The following PTPRZ1 variants were observed in gnomAD, a reference collection of about 807,000 sequenced individuals.
PTPRZ1 encodes the protein protein tyrosine phosphatase receptor type Z1, also known as receptor-type tyrosine-protein phosphatase zeta.
In PTPRZ1, 82 loss-of-function variants were observed where a neutral mutation model predicts 214.1. That is an observed-to-expected ratio of 0.38 (90% CI 0.32 to 0.46). The LOEUF (loss-of-function observed/expected upper bound fraction) is 0.46. PTPRZ1 is among the 20% of genes least tolerant of loss of function. The pLI is 1.00. For missense variants in PTPRZ1, 2,603 were observed against 2,748.7 expected (o/e 0.95, Z 1.19); for synonymous variants, 945 against 987.9 (o/e 0.96, Z 0.81).
intron 2 of PTPRZ1, among the ~76,000 whole-genome samples, chr7:121,943,385 G>A (rs887363776): frequency 3.3e-5 from 5 of 152,106 alleles, no homozygotes; most frequent in Admixed American, 3.3e-4. Flanking sequence ...GCCCAGGCTG[G>A]AGTGCAGTGG....
rs372677921 is a variant in PTPRZ1 at position 122,011,417 on chromosome 7, G to A, written c.2371G>A (p.Asp791Asn). 10 of 1,614,034 alleles carry A rather than the reference G, an allele frequency of 6.2e-6. No individual in the cohort carries two copies. The highest frequency in any genetic ancestry group is 2.7e-5 in the African/African-American group (2 of 74,928). The change falls in exon 12 of 30, where the codon GAT becomes AAT. Residue 791 changes from aspartate (D) to asparagine (N), a missense_variant. Physicochemically the swap from Asp to Asn is conservative, Grantham distance 23 (BLOSUM62 1). This residue lies in a region of PTPRZ1 where 1,913 missense variants were observed against 1,914.3 expected (regional missense o/e 1.00). Coordinates refer to ENST00000393386, the MANE Select transcript of PTPRZ1 (RefSeq NM_002851.3). ...LNTTPAASSS[D>N]SALHATPVFP... ...CACTACCCCTGCTGCTTCAAGTAGT[G>A]ATTCGGCCTTGCATGCTACGCCTGT...
At chr7:121,928,056 A>T in intron 1 of PTPRZ1, 100 bp from the exon 2 acceptor site, 1 of 804,960 alleles carries the variant, frequency 1.2e-6, no homozygotes, top group South Asian at 1.6e-5. Flanking sequence ...CATGGAAAGG[A>T]GTAATCAAGA....
Position 121,968,149 on chromosome 7 carries a change from G to C in PTPRZ1, c.304+19G>C, listed in dbSNP as rs1282355300. 6.4e-7 allele frequency: 1 copy of C among 1,573,620 alleles called. No homozygotes were observed. The highest frequency in any genetic ancestry group is 1.4e-5 in the African/African-American group (1 of 73,038). ...AAAACAGGTAAAATATTTGCATTCT[G>C]TTTGCCTTTAATATATTTTTCAGAC... On this transcript the variant is annotated intron_variant, in intron 3 of 29. Transcript: ENST00000393386.
chr7:122,046,525 A>G (rs1791987743), intron 23 of PTPRZ1, among the ~76,000 whole-genome samples: 2 of 152,150 alleles, frequency 1.3e-5, no homozygotes, highest in Admixed American at 6.6e-5. Context: ...ACCAGAGGAG[A>G]ATTGCGTAAG....
chr7:121,896,760 G>T (rs1448309607), intron 1 of PTPRZ1, among the ~76,000 whole-genome samples: 1 of 150,630 alleles, frequency 6.6e-6, no homozygotes, highest in Non-Finnish European at 1.5e-5. Context: ...GTGACAGGGT[G>T]AGACTCTGCC....
chr7:122,006,928 C>A (rs1000194723), intron 11 of PTPRZ1, among the ~76,000 whole-genome samples: 4 of 151,930 alleles, frequency 2.6e-5, no homozygotes, highest in Admixed American at 2.6e-4. Flanking sequence ...GGCAAGAGGG[C>A]AAGGAGAAGG....
rs1798716480 is a variant in PTPRZ1, at chr7:122,012,777, T to C, written c.3731T>C (p.Phe1244Ser). The C allele has an allele frequency of 6.2e-7, 1 of 1,611,796 alleles. No individual in the cohort carries two copies. Among genetic ancestry groups the C allele is most frequent in the Admixed American group, 1.7e-5 (1 of 59,990 alleles). The change falls in exon 12 of 30, where the codon TTT becomes TCT. Residue 1244 changes from phenylalanine to serine, a missense_variant. Around this residue, in one of 6 missense-constraint regions of PTPRZ1, gnomAD observed 1,913 missense variants for 1,914.3 expected, o/e 1.00. Coordinates refer to ENST00000393386, the MANE Select transcript of PTPRZ1 (RefSeq NM_002851.3). ...NMLHSTSVPVFDVSPTSHMHS... is the reference protein window; with the variant it reads ...NMLHSTSVPVSDVSPTSHMHS... ...CTGCACTCTACATCTGTACCAGTTT[T>C]TGATGTGTCGCCTACTTCTCATATG...
At chr7:122,027,521 C>G (rs1417065964) in intron 13 of PTPRZ1, among the ~76,000 whole-genome samples, 1 of 152,144 alleles carries the variant, frequency 6.6e-6, no homozygotes, top group Non-Finnish European at 1.5e-5. Context: ...GGATAAATGC[C>G]TTGTAGCTTG....
intron 2 of PTPRZ1, among the ~76,000 whole-genome samples, chr7:121,956,535 GAAAA>G (rs1796711659): frequency 1.3e-5 from 2 of 152,194 alleles, no homozygotes; most frequent in African/African-American, 4.8e-5. Flanking sequence ...GAAATGAAAT[GAAAA>G]TGGCAGAATT....
At chr7:121,914,992 C>A (rs966396824) in intron 1 of PTPRZ1, among the ~76,000 whole-genome samples, 1 of 152,128 alleles carries the variant, frequency 6.6e-6, no homozygotes, top group African/African-American at 2.4e-5. Flanking sequence ...ACATGAAGGG[C>A]TTAGAAAACT....
intron 18 of PTPRZ1, 134 bp downstream of exon 18, chr7:122,036,816 C>A: frequency 3.2e-6 from 2 of 618,788 alleles, no homozygotes; most frequent in Non-Finnish European, 5.4e-6. Flanking sequence ...GGTAAAGTAA[C>A]AGTAAATAAT....
chr7:122,003,927 T>C (rs973367387), intron 10 of PTPRZ1, among the ~76,000 whole-genome samples: 1 of 152,176 alleles, frequency 6.6e-6, no homozygotes, highest in Non-Finnish European at 1.5e-5. Context: ...ACGTGAATGA[T>C]TGTGGTCATC....
At chr7:122,017,538 C>CATTTATTTATTTATTTATTTATTT (rs3069214) in intron 12 of PTPRZ1, among the ~76,000 whole-genome samples, 14 of 140,112 alleles carry the variant, frequency 1.0e-4, no homozygotes, top group South Asian at 2.3e-4. Context: ...TGATACATTA[C>CATTTATTTATTTATTTATTTATTT]ATTTATTTAT....
At position 122,038,401 on chromosome 7, in the gene PTPRZ1, C is replaced by G. The variant is rs117437592; in HGVS notation, c.5368-354C>G. 4.0e-5 allele frequency among the ~76,000 whole-genome samples: 6 copies of G among 151,428 alleles called. No individual in the cohort carries two copies. The East Asian group carries it at 1.2e-3, about 29-fold the overall frequency. ...GCCTAAAATACATTTCAAAGCAGTGCTATTAAAGACTTGATTTTAAGCATA... is the reference window on the plus strand; with the variant it reads ...GCCTAAAATACATTTCAAAGCAGTGGTATTAAAGACTTGATTTTAAGCATA... On this transcript the variant is annotated intron_variant, in intron 18 of 29. Transcript: ENST00000393386.
At chr7:122,023,139 C>G (rs1321170706) in intron 13 of PTPRZ1, among the ~76,000 whole-genome samples, 3 of 151,942 alleles carry the variant, frequency 2.0e-5, no homozygotes, top group Non-Finnish European at 4.4e-5. Flanking sequence ...TGTTTCTAAC[C>G]TATTTTAATG....
At chr7:122,016,943 CAG>C (rs1184422817) in intron 12 of PTPRZ1, among the ~76,000 whole-genome samples, 1 of 152,046 alleles carries the variant, frequency 6.6e-6, no homozygotes, top group African/African-American at 2.4e-5. Context: ...CCCTTACACA[CAG>C]AGTTTCTGGT....
chr7:121,987,076 A>T (rs753293828), intron 8 of PTPRZ1, among the ~76,000 whole-genome samples: 1 of 152,210 alleles, frequency 6.6e-6, no homozygotes, highest in Non-Finnish European at 1.5e-5. Flanking sequence ...AGGATAAATA[A>T]AAGTGCTCAA....
intron 8 of PTPRZ1, among the ~76,000 whole-genome samples, chr7:121,990,926 G>A (rs548422149): frequency 4.9e-4 from 75 of 152,258 alleles, no homozygotes; most frequent in African/African-American, 1.7e-3. Flanking sequence ...CTGTATGCAC[G>A]CCTTCCAGGC....
intron 6 of PTPRZ1, among the ~76,000 whole-genome samples, chr7:121,980,219 G>T (rs759287740): frequency 6.6e-6 from 1 of 152,030 alleles, no homozygotes; most frequent in Non-Finnish European, 1.5e-5. Context: ...TCAATTTCTG[G>T]CTCTTTACCT....
Sources: gnomAD v4.1 joint callset for allele counts (sites outside exome capture counted in the v4.1 genomes callset) on GRCh38, gnomAD v4.1.1 for gene constraint, gnomAD v4.1.1 regional missense constraint, MANE v1.5 for transcripts, NCBI Gene and HGNC (gene_info 2026-07-23, HGNC 2026-07-21) for gene names.